PPIL6: variants seen among roughly 807,000 people sequenced by gnomAD.
PPIL6 encodes probable inactive peptidyl-prolyl cis-trans isomerase-like 6.
PPIL6 carries 39 observed loss-of-function variants against 36.8 expected under a neutral mutation model. The ratio of observed to expected loss-of-function variants is 1.06; its 90% CI spans 0.82 to 1.38. PPIL6 has a LOEUF of 1.38. Ranked by LOEUF, PPIL6 falls within the 40% of genes most tolerant of loss-of-function variation. PPIL6 has a pLI of 0.00. For synonymous variants in PPIL6, 123 were observed against 134.1 expected (o/e 0.92, Z 0.57); for missense variants, 368 against 379.1 (o/e 0.97, Z 0.24).
rs929868840 is a variant in PPIL6, at chr6:109,417,171, TA to T, written c.688+2015del. Among the ~76,000 whole-genome samples the T allele has an allele frequency of 3.8e-3, 501 of 132,934 alleles. 1 individual carries two copies. The highest frequency in any genetic ancestry group is 4.2e-3 in the Non-Finnish European group (261 of 61,548). 87.2% of individuals were successfully genotyped at this position (132,934 alleles called of 152,430 possible). A position where few individuals can be genotyped will look rare whatever the true frequency, so the allele number is the denominator to read the frequency against. On this transcript the variant is annotated intron_variant, in intron 6 of 7. Coordinates refer to ENST00000521072, the MANE Select transcript of PPIL6 (RefSeq NM_173672.5). ...GACGACAAAGTGAGATCCTGTCTCT[TA>T]AAAAAAAAAAAAAGAAAAAAAAAGG...
intron 6 of PPIL6, among the ~76,000 whole-genome samples, chr6:109,410,520 T>C (rs2115219941): frequency 6.6e-6 from 1 of 152,230 alleles, no homozygotes; most frequent in South Asian, 2.1e-4. Context: ...CCTCCTAAAA[T>C]AGTGATCTTC....
intron 6 of PPIL6, among the ~76,000 whole-genome samples, chr6:109,414,304 T>C (rs533883414): frequency 1.3e-5 from 2 of 152,184 alleles, no homozygotes; most frequent in African/African-American, 4.8e-5. Flanking sequence ...TTAGGACATA[T>C]GTTGTATTTT....
At chr6:109,426,387 G>C (rs1310637444) in intron 5 of PPIL6, among the ~76,000 whole-genome samples, 1 of 152,066 alleles carries the variant, frequency 6.6e-6, no homozygotes, top group Non-Finnish European at 1.5e-5. Context: ...TGAAAAGAAA[G>C]AGAACATAGA....
intron 6 of PPIL6, among the ~76,000 whole-genome samples, chr6:109,411,940 G>A (rs1182809828): frequency 1.3e-5 from 2 of 152,190 alleles, no homozygotes; most frequent in Admixed American, 6.5e-5. Context: ...ATTTCTGAGG[G>A]GAAAATGAGG....
intron 5 of PPIL6, among the ~76,000 whole-genome samples, chr6:109,426,302 C>T (rs1773810670): frequency 6.6e-6 from 1 of 152,082 alleles, no homozygotes; most frequent in Non-Finnish European, 1.5e-5. Flanking sequence ...ATGGACTATC[C>T]CCCAAAAGGC....
At chr6:109,414,875 CATAA>C (rs1773177429) in intron 6 of PPIL6, among the ~76,000 whole-genome samples, 1 of 152,154 alleles carries the variant, frequency 6.6e-6, no homozygotes, top group South Asian at 2.1e-4. Context: ...TTATCAATAA[CATAA>C]ATAGTCGATT....
intron 6 of PPIL6, among the ~76,000 whole-genome samples, chr6:109,402,827 C>T (rs879674392): frequency 1.9e-4 from 28 of 151,052 alleles, no homozygotes; most frequent in African/African-American, 6.6e-4. Flanking sequence ...CCAGGGCCTA[C>T]GGAAATCGCT....
At chr6:109,438,273 T>C (rs900634895) in intron 1 of PPIL6, among the ~76,000 whole-genome samples, 2 of 151,902 alleles carry the variant, frequency 1.3e-5, no homozygotes, top group African/African-American at 4.8e-5. Flanking sequence ...CATTCAGATA[T>C]CCTTTATTAA....
chr6:109,411,249 C>G (rs1325698927), intron 6 of PPIL6, among the ~76,000 whole-genome samples: 1 of 152,106 alleles, frequency 6.6e-6, no homozygotes. Flanking sequence ...TAGCAGCACC[C>G]CGGGGCAGCT....
intron 7 of PPIL6, among the ~76,000 whole-genome samples, chr6:109,397,588 A>G (rs977033711): frequency 8.5e-5 from 13 of 152,172 alleles, no homozygotes; most frequent in African/African-American, 3.1e-4. Context: ...CAGGTGCCTA[A>G]AGAAATTCTG....
At chr6:109,417,630 A>G (rs1773332711) in intron 6 of PPIL6, among the ~76,000 whole-genome samples, 1 of 152,320 alleles carries the variant, frequency 6.6e-6, no homozygotes, top group East Asian at 1.9e-4. Context: ...AGTCATGTTT[A>G]AAAAATGCTG....
At chr6:109,396,374 A>T (rs1327200303) in intron 7 of PPIL6, among the ~76,000 whole-genome samples, 1 of 152,148 alleles carries the variant, frequency 6.6e-6, no homozygotes. Flanking sequence ...GCTCAGCAGC[A>T]TGGCACCCGC....
chr6:109,436,972 T>G (rs910837637), intron 1 of PPIL6, among the ~76,000 whole-genome samples: 4 of 152,250 alleles, frequency 2.6e-5, no homozygotes, highest in Non-Finnish European at 2.9e-5. Context: ...TAAATGTTCT[T>G]GCTTTAATTC....
rs557242817 is a variant in PPIL6 at position 109,399,404 on chromosome 6, C to T, written c.824+631G>A. ...GATTACAGGTGTGAGCCACTGCACC[C>T]GGCCTATTTATTTATTTTTGAGACA... On this transcript the variant is annotated intron_variant, in intron 7 of 7. Coordinates refer to ENST00000521072, the MANE Select transcript of PPIL6 (RefSeq NM_173672.5). 1.5e-4 allele frequency among the ~76,000 whole-genome samples: 22 copies of T among 148,072 alleles called. No individual in the cohort carries two copies. The East Asian group carries it at 3.3e-3, about 22-fold the overall frequency.
intron 2 of PPIL6, among the ~76,000 whole-genome samples, chr6:109,434,649 C>G (rs1019748744): frequency 5.3e-5 from 8 of 152,144 alleles, no homozygotes; most frequent in African/African-American, 1.9e-4. Context: ...TAATTAATCA[C>G]AGGATCACAG....
At chr6:109,425,749 CAAAAAAAAAA>C (rs34275471) in intron 5 of PPIL6, among the ~76,000 whole-genome samples, 3 of 103,702 alleles carry the variant, frequency 2.9e-5, no homozygotes, top group Non-Finnish European at 6.0e-5. Flanking sequence ...GACTCCGTTT[CAAAAAAAAAA>C]AAAAAAAAAA....
At chr6:109,406,069 A>C (rs1045345006) in intron 6 of PPIL6, among the ~76,000 whole-genome samples, 1 of 151,874 alleles carries the variant, frequency 6.6e-6, no homozygotes, top group African/African-American at 2.4e-5. Context: ...GCAGGGTCTC[A>C]GTCTGTCACC....
At chr6:109,399,946 A>G (rs947689271) in intron 7 of PPIL6, 89 bp downstream of exon 7, 4 of 1,045,086 alleles carry the variant, frequency 3.8e-6, no homozygotes, top group Non-Finnish European at 5.4e-6. Flanking sequence ...TTAGCTACCT[A>G]TACACTATAT....
intron 7 of PPIL6, among the ~76,000 whole-genome samples, chr6:109,395,607 CTTT>C (rs765163208): frequency 4.5e-5 from 5 of 111,116 alleles, no homozygotes; most frequent in Non-Finnish European, 3.8e-5. Context: ...ACTCTAACTT[CTTT>C]TTTTTTTTTT....
Sources: gnomAD v4.1 joint callset for allele counts (sites outside exome capture counted in the v4.1 genomes callset) on GRCh38, gnomAD v4.1.1 for gene constraint, MANE v1.5 for transcripts, NCBI Gene and HGNC (gene_info 2026-07-23, HGNC 2026-07-21) for gene names.